Variants in PEBP4 observed in about 807,000 individuals in gnomAD.
PEBP4 encodes phosphatidylethanolamine binding protein 4, also known as phosphatidylethanolamine-binding protein 4.
PEBP4 carries 22 observed loss-of-function variants against 23.9 expected under a neutral mutation model. The ratio of observed to expected loss-of-function variants is 0.92; its 90% CI spans 0.66 to 1.31. The LOEUF (loss-of-function observed/expected upper bound fraction) is 1.31, where lower values mean the gene tolerates loss of function less well. PEBP4 is among the 40% of genes most tolerant of loss of function. The pLI, the probability that PEBP4 is intolerant of heterozygous loss-of-function variation, is 0.00. For synonymous variants in PEBP4, 112 were observed against 99.3 expected, an observed-to-expected ratio of 1.13 and a Z score of -0.76; for missense variants, 324 against 281.7, an observed-to-expected ratio of 1.15 and a Z score of -1.07.
At chr8:22,836,391 A>G (rs1432023917) in intron 3 of PEBP4, among the ~76,000 whole-genome samples, 2 of 152,240 alleles carry the variant, frequency 1.3e-5, no homozygotes, top group African/African-American at 4.8e-5. Context: ...ACAATATGGT[A>G]TTTGTTTGTG....
At chr8:22,803,283 C>G (rs938071028) in intron 4 of PEBP4, among the ~76,000 whole-genome samples, 3 of 152,188 alleles carry the variant, frequency 2.0e-5, no homozygotes, top group African/African-American at 7.2e-5. Flanking sequence ...CCTTTGGCTG[C>G]AAATATCACG....
chr8:22,894,457 C>T (rs1808554636), intron 3 of PEBP4, among the ~76,000 whole-genome samples: 1 of 152,080 alleles, frequency 6.6e-6, no homozygotes, highest in Non-Finnish European at 1.5e-5. Flanking sequence ...TGGCATGTGC[C>T]TGTAGTCCCA....
chr8:22,931,691 C>T (rs890551876), upstream of PEBP4, among the ~76,000 whole-genome samples: 4 of 152,296 alleles, frequency 2.6e-5, no homozygotes, highest in East Asian at 3.9e-4. Flanking sequence ...TCAAGTGATT[C>T]TCCTGCCTCA....
At chr8:22,910,316 C>T (rs183668999) in intron 3 of PEBP4, among the ~76,000 whole-genome samples, 1 of 152,234 alleles carries the variant, frequency 6.6e-6, no homozygotes, top group Admixed American at 6.5e-5. Flanking sequence ...TAGCAAGAGA[C>T]CAAGCCCCCA....
At chr8:22,934,485 C>CA (rs113188194) in intron 1 of PEBP4, among the ~76,000 whole-genome samples, 4 of 151,344 alleles carry the variant, frequency 2.6e-5, no homozygotes, top group Non-Finnish European at 4.4e-5. Context: ...CATGTCACTA[C>CA]AAAAAAAATC....
intron 4 of PEBP4, among the ~76,000 whole-genome samples, chr8:22,762,700 G>A (rs1805533000): frequency 6.6e-6 from 1 of 152,048 alleles, no homozygotes; most frequent in Non-Finnish European, 1.5e-5. Flanking sequence ...GTGGGGCCAT[G>A]TTCTCCCCAA....
chr8:22,912,112 G>C (rs988016459), intron 3 of PEBP4, among the ~76,000 whole-genome samples: 5 of 152,170 alleles, frequency 3.3e-5, no homozygotes, highest in Non-Finnish European at 7.3e-5. Context: ...GACAGAGAAG[G>C]CCACGAGGAT....
At chr8:22,811,750 T>A (rs758651469) in intron 4 of PEBP4, among the ~76,000 whole-genome samples, 3 of 152,212 alleles carry the variant, frequency 2.0e-5, no homozygotes, top group Non-Finnish European at 4.4e-5. Flanking sequence ...ACGCTTTGGT[T>A]TCCTCAAAAG....
chr8:22,818,975 G>A (rs901015511), intron 3 of PEBP4, among the ~76,000 whole-genome samples: 2 of 152,164 alleles, frequency 1.3e-5, no homozygotes, highest in Non-Finnish European at 2.9e-5. Context: ...AGAGGAGGCT[G>A]TTTGAAGGTG....
At chr8:22,819,774 T>A (rs1191260520) in intron 3 of PEBP4, among the ~76,000 whole-genome samples, 1 of 152,020 alleles carries the variant, frequency 6.6e-6, no homozygotes, top group Non-Finnish European at 1.5e-5. Context: ...GCCCAGCTAA[T>A]TTTTTATATT....
chr8:22,756,029 GATA>G (rs1805373640), intron 4 of PEBP4: 1 of 152,236 alleles, frequency 6.6e-6, no homozygotes, highest in Non-Finnish European at 1.5e-5. Context: ...AATACTTATT[GATA>G]ATAATCATTA....
intron 6 of PEBP4, among the ~76,000 whole-genome samples, chr8:22,718,261 C>T (rs1224170498): frequency 6.6e-6 from 1 of 152,150 alleles, no homozygotes; most frequent in Non-Finnish European, 1.5e-5. Context: ...GCCAGTGCAT[C>T]CCCTAGGCCT....
At chr8:22,738,140 A>T (rs150697703) in intron 4 of PEBP4, among the ~76,000 whole-genome samples, 1 of 152,330 alleles carries the variant, frequency 6.6e-6, no homozygotes, top group African/African-American at 2.4e-5. Flanking sequence ...GGGTGCGCAG[A>T]GCGAGTGGCA....
intron 3 of PEBP4, among the ~76,000 whole-genome samples, chr8:22,905,049 T>C (rs1470459479): frequency 6.6e-6 from 1 of 152,254 alleles, no homozygotes; most frequent in South Asian, 2.1e-4. Flanking sequence ...ATGACTTTGA[T>C]AGGCATTATT....
intron 4 of PEBP4, among the ~76,000 whole-genome samples, chr8:22,769,313 C>T (rs1157395214): frequency 6.6e-6 from 1 of 152,218 alleles, no homozygotes; most frequent in Non-Finnish European, 1.5e-5. Flanking sequence ...ACCTGAGACT[C>T]CAGCCCTCTG....
rs1805582335 is a variant in PEBP4 at position 22,765,116 on chromosome 8, T to TCTTCCTTTCTTCCTTCCTTCCTTCCTTC, written c.358-37897_358-37896insGAAGGAAGGAAGGAAGGAAGAAAGGAAG. 2.1e-5 allele frequency among the ~76,000 whole-genome samples: 3 copies of TCTTCCTTTCTTCCTTCCTTCCTTCCTTC among 144,898 alleles called. No homozygotes were observed. The Admixed American group carries it at 2.1e-4, about 10-fold the overall frequency. ...TTCTTTCCTTCTTCCTTCCTTTATT[T>TCTTCCTTTCTTCCTTCCTTCCTTCCTTC]CTTCCTTCCTTCCTTCCTTCCTTCC... is the stretch of plus-strand genomic sequence containing the variant. On this transcript the variant is annotated intron_variant, in intron 4 of 6. Coordinates refer to ENST00000256404, the MANE Select transcript of PEBP4 (RefSeq NM_144962.3).
At chr8:22,866,418 A>G (rs1807903966) in intron 3 of PEBP4, among the ~76,000 whole-genome samples, 1 of 152,226 alleles carries the variant, frequency 6.6e-6, no homozygotes, top group South Asian at 2.1e-4. Flanking sequence ...AGGAACTCAC[A>G]GTCCGGTGAG....
At chr8:22,747,305 C>G (rs971555286) in intron 4 of PEBP4, among the ~76,000 whole-genome samples, 1 of 152,234 alleles carries the variant, frequency 6.6e-6, no homozygotes, top group African/African-American at 2.4e-5. Context: ...CACCCTTGTT[C>G]AGGCTCTGTC....
intron 3 of PEBP4, among the ~76,000 whole-genome samples, chr8:22,900,453 A>T (rs1194181111): frequency 2.0e-5 from 3 of 152,114 alleles, no homozygotes; most frequent in Non-Finnish European, 4.4e-5. Context: ...GTTCGAGACC[A>T]GCCTGGCCAA....
Sources: gnomAD v4.1 joint callset for allele counts (sites outside exome capture counted in the v4.1 genomes callset) on GRCh38, gnomAD v4.1.1 for gene constraint, MANE v1.5 for transcripts, NCBI Gene and HGNC (gene_info 2026-07-23, HGNC 2026-07-21) for gene names.